Variants in PDE11A observed in about 807,000 individuals in gnomAD.
The protein encoded by PDE11A is phosphodiesterase 11A.
PDE11A carries 100 observed loss-of-function variants against 100.5 expected under a neutral mutation model. The observed-to-expected ratio is 1.00, with a 90% CI of 0.85 to 1.18. The LOEUF (loss-of-function observed/expected upper bound fraction) is 1.18, where lower values mean the gene tolerates loss of function less well. Ranked by LOEUF, PDE11A falls within the 50% of genes most tolerant of loss-of-function variation. The pLI is 0.00. For synonymous variants in PDE11A, 381 were observed against 420.8 expected (o/e 0.91, Z 1.16); for missense variants, 1,141 against 1,152.6 (o/e 0.99, Z 0.15).
At chr2:177,812,263 T>C (rs1574167082) in intron 9 of PDE11A, among the ~76,000 whole-genome samples, 1 of 152,038 alleles carries the variant, frequency 6.6e-6, no homozygotes, top group Non-Finnish European at 1.5e-5. Context: ...TAAAACAAGA[T>C]TGAGAGGTTA....
chr2:177,921,305 A>C (rs1306991323), intron 2 of PDE11A, among the ~76,000 whole-genome samples: 2 of 151,724 alleles, frequency 1.3e-5, no homozygotes, highest in East Asian at 3.9e-4. Context: ...TTCCATTTTC[A>C]TTAGCATATT....
intron 9 of PDE11A, among the ~76,000 whole-genome samples, chr2:177,782,492 C>G (rs1456854009): frequency 6.6e-6 from 1 of 152,192 alleles, no homozygotes; most frequent in African/African-American, 2.4e-5. Context: ...TAGGTAAGAT[C>G]AACGTGAACC....
chr2:177,660,097 T>TTCTTTCTTTCTTTC (rs1406827529), intron 19 of PDE11A, among the ~76,000 whole-genome samples: 172 of 69,232 alleles, frequency 2.5e-3, no homozygotes, highest in Middle Eastern at 6.6e-3. Flanking sequence ...CTTTCTTTCT[T>TTCTTTCTTTCTTTC]TCTCTCTCTC....
intron 1 of PDE11A, among the ~76,000 whole-genome samples, chr2:178,053,034 C>T (rs778888452): frequency 6.6e-5 from 10 of 152,206 alleles, no homozygotes; most frequent in African/African-American, 1.4e-4. Context: ...ATCTTCCTGA[C>T]ACCAAAGCCT....
At chr2:178,043,767 C>T (rs970135379) in intron 1 of PDE11A, among the ~76,000 whole-genome samples, 16 of 152,136 alleles carry the variant, frequency 1.1e-4, no homozygotes, top group South Asian at 2.1e-4. Context: ...GGATACTATT[C>T]GCCCCATTAT....
intron 2 of PDE11A, among the ~76,000 whole-genome samples, chr2:177,907,135 T>C (rs1163480486): frequency 6.6e-6 from 1 of 151,892 alleles, no homozygotes; most frequent in African/African-American, 2.4e-5. Flanking sequence ...GAGTTCCAGG[T>C]ATTATGTTAA....
intron 2 of PDE11A, among the ~76,000 whole-genome samples, chr2:178,009,856 A>G (rs530707229): frequency 1.3e-5 from 2 of 152,344 alleles, no homozygotes; most frequent in East Asian, 1.9e-4. Context: ...TTGAAATTAT[A>G]CAGAACATAA....
At chr2:177,643,114 C>G (rs1365815262) in intron 19 of PDE11A, among the ~76,000 whole-genome samples, 2 of 152,074 alleles carry the variant, frequency 1.3e-5, no homozygotes, top group African/African-American at 4.8e-5. Context: ...GAAAACGGAC[C>G]AATACAGTAA....
intron 2 of PDE11A, among the ~76,000 whole-genome samples, chr2:177,910,743 T>A (rs143635200): frequency 6.6e-6 from 1 of 152,174 alleles, no homozygotes; most frequent in Non-Finnish European, 1.5e-5. Flanking sequence ...TGGAAACTCA[T>A]TAAACTATCA....
chr2:177,931,911 C>CAAAAAAAAA (rs71410773), intron 2 of PDE11A, among the ~76,000 whole-genome samples: 53 of 80,022 alleles, frequency 6.6e-4, no homozygotes, highest in Middle Eastern at 6.8e-3. Context: ...GCTAGATTAA[C>CAAAAAAAAA]AAAAAAAAAA....
intron 18 of PDE11A, among the ~76,000 whole-genome samples, chr2:177,664,401 T>C (rs1459754340): frequency 6.6e-6 from 1 of 152,210 alleles, no homozygotes; most frequent in African/African-American, 2.4e-5. Flanking sequence ...AAACCATTTA[T>C]ACTAATTTTT....
chr2:177,853,665 T>C (rs1297177460), intron 5 of PDE11A, among the ~76,000 whole-genome samples: 2 of 33,282 alleles, frequency 6.0e-5, no homozygotes, highest in South Asian at 2.4e-3. Flanking sequence ...TATATATATA[T>C]ATATATATAT....
In PDE11A at chr2:177,897,068, C is replaced by T. The variant is rs1277888573; in HGVS notation, c.1302+990G>A. ...CAAAATTTACCCTAAGGTTCCTATT[C>T]TTTGAGGAAAACAAACCCAAAGGCA... On this transcript the variant is annotated intron_variant, in intron 4 of 19. Coordinates refer to ENST00000286063, the MANE Select transcript of PDE11A (RefSeq NM_016953.4). 2.6e-5 allele frequency among the ~76,000 whole-genome samples: 4 copies of T among 152,258 alleles called. No homozygotes were observed. In the East Asian group the frequency reaches 7.7e-4, roughly 29 times the overall value.
At chr2:177,650,634 A>T (rs188097768) in intron 19 of PDE11A, among the ~76,000 whole-genome samples, 1 of 152,202 alleles carries the variant, frequency 6.6e-6, no homozygotes, top group East Asian at 1.9e-4. Flanking sequence ...TCCTTTTAAA[A>T]TTTTTTTCCT....
chr2:177,957,521 A>G (rs925181414), intron 2 of PDE11A, among the ~76,000 whole-genome samples: 1 of 152,208 alleles, frequency 6.6e-6, no homozygotes, highest in African/African-American at 2.4e-5. Flanking sequence ...TTTGTCTGGA[A>G]AACAATTACA....
chr2:178,079,295 G>A (rs766886452), intron 2 of PDE11A, among the ~76,000 whole-genome samples: 2 of 143,306 alleles, frequency 1.4e-5, no homozygotes, highest in East Asian at 2.1e-4. Context: ...TCCCTCCCCC[G>A]TCCCCTTGAT....
Position 177,936,204 on chromosome 2 carries a change from TAAAG to T in PDE11A, c.1072-31021_1072-31018del, listed in dbSNP as rs534063279. 2.6e-5 allele frequency among the ~76,000 whole-genome samples: 4 copies of T among 152,346 alleles called. No homozygotes were observed. In the South Asian group the frequency reaches 8.3e-4, roughly 32 times the overall value. ...TGAAAAACTGAGTATCGAACCATAA[TAAAG>T]AATGTTCTTTTACATTTTTTGTTCT... On this transcript the variant is annotated intron_variant, in intron 2 of 19. Coordinates refer to ENST00000286063, the MANE Select transcript of PDE11A (RefSeq NM_016953.4).
At chr2:178,079,264 T>G (rs931582110) in intron 2 of PDE11A, among the ~76,000 whole-genome samples, 3 of 152,124 alleles carry the variant, frequency 2.0e-5, no homozygotes, top group Admixed American at 6.6e-5. Flanking sequence ...CAGCATGCAT[T>G]AGCTATTTTT....
chr2:177,942,052 T>C (rs1430820547), intron 2 of PDE11A, among the ~76,000 whole-genome samples: 1 of 152,224 alleles, frequency 6.6e-6, no homozygotes, highest in Admixed American at 6.5e-5. Flanking sequence ...TCCTTTCCCA[T>C]ATTAATTATT....
Sources: gnomAD v4.1 joint callset for allele counts (sites outside exome capture counted in the v4.1 genomes callset) on GRCh38, gnomAD v4.1.1 for gene constraint, MANE v1.5 for transcripts, NCBI Gene and HGNC (gene_info 2026-07-23, HGNC 2026-07-21) for gene names.